The following CDON variants were observed in gnomAD, a reference collection of about 807,000 sequenced individuals.
CDON encodes cell adhesion associated, oncogene regulated, also known as cell adhesion molecule-related/down-regulated by oncogenes.
In CDON, 73 loss-of-function variants were observed where a neutral mutation model predicts 120.9. The observed-to-expected ratio is 0.60, with a 90% CI of 0.50 to 0.73. The LOEUF (loss-of-function observed/expected upper bound fraction) is 0.73. Ranked by LOEUF, CDON falls within the 30% of genes least tolerant of loss-of-function variation. CDON has a pLI of 0.00. For synonymous variants in CDON, 566 were observed against 573.5 expected, an observed-to-expected ratio of 0.99 and a Z score of 0.19; for missense variants, 1,470 against 1,587.3, an observed-to-expected ratio of 0.93 and a Z score of 1.26.
intron 8 of CDON, among the ~76,000 whole-genome samples, chr11:126,008,924 T>C (rs563775076): frequency 2.6e-5 from 4 of 152,344 alleles, no homozygotes; most frequent in African/African-American, 9.6e-5. Context: ...GTAACAATCA[T>C]AACTTTATAC....
rs1286153853 is a variant in CDON at position 125,989,767 on chromosome 11, G to A, written c.2651-8C>T. 6.2e-7 allele frequency: 1 copy of A among 1,610,904 alleles called. No individual in the cohort carries two copies. Among genetic ancestry groups the A allele is most frequent in the Non-Finnish European group, 8.5e-7 (1 of 1,178,154 alleles). On this transcript the variant is annotated splice_polypyrimidine_tract_variant and splice_region_variant and intron_variant, in intron 14 of 19. Transcript: ENST00000531738. Reference sequence around the variant, plus strand: ...TGTGCCACTGCTTTGAACCTAAAAGGAAAAATAAAAGGCTTTACACATCAT... The same window carrying A: ...TGTGCCACTGCTTTGAACCTAAAAGAAAAAATAAAAGGCTTTACACATCAT...
In CDON at chr11:125,956,839, A is replaced by G. The variant is rs978315609; in HGVS notation, c.*4103T>C. ...AAGATTCTGTGGTTCTCACAGAGTT[A>G]GACTTTATTAGATAAGGGGTTTCGG... is the stretch of plus-strand genomic sequence containing the variant. On this transcript the variant is annotated 3_prime_UTR_variant, in exon 20 of 20. Transcript: ENST00000531738. The G allele has an allele frequency of 5.1e-6, 5 of 986,926 alleles. No homozygotes were observed. The African/African-American group carries it at 8.7e-5, about 17-fold the overall frequency. 61.1% of individuals were successfully genotyped at this position (986,926 alleles called of 1,614,324 possible). A position where few individuals can be genotyped will look rare whatever the true frequency, so the allele number is the denominator to read the frequency against.
chr11:126,034,129 T>TA lies in CDON; in HGVS notation c.-61-10593dup, dbSNP rs534374033. Among the ~76,000 whole-genome samples, 90 of 144,314 alleles carry TA rather than the reference T, an allele frequency of 6.2e-4. No homozygotes were observed. Among genetic ancestry groups the TA allele is most frequent in the African/African-American group, 9.1e-4 (36 of 39,400 alleles). 94.7% of individuals were successfully genotyped at this position (144,314 alleles called of 152,430 possible). A position where few individuals can be genotyped will look rare whatever the true frequency, so the allele number is the denominator to read the frequency against. On this transcript the variant is annotated intron_variant, in intron 1 of 19. Coordinates refer to ENST00000531738, the MANE Select transcript of CDON (RefSeq NM_001378964.1). The surrounding 1 kb of genome is among the most constrained non-coding windows in gnomAD (Gnocchi z 4.5). ...GATCGTGCAATCATTCAGATCAACT[T>TA]AAAAAAAAAAAAGTTCACACCTACA... is the stretch of plus-strand genomic sequence containing the variant.
intron 1 of CDON, among the ~76,000 whole-genome samples, chr11:126,032,846 A>G (rs943595715): frequency 2.6e-5 from 4 of 152,094 alleles, no homozygotes; most frequent in African/African-American, 9.7e-5. Flanking sequence ...CATCTCTACC[A>G]AAAATACAAA....
At chr11:126,053,342 T>C (rs1214026400) in intron 1 of CDON, among the ~76,000 whole-genome samples, 1 of 152,316 alleles carries the variant, frequency 6.6e-6, no homozygotes, top group Middle Eastern at 3.4e-3. Flanking sequence ...CCAGATTTAG[T>C]AGTCCCAGGG....
At chr11:126,019,043 C>T (rs751867053) in intron 4 of CDON, among the ~76,000 whole-genome samples, 2 of 152,208 alleles carry the variant, frequency 1.3e-5, no homozygotes, top group Non-Finnish European at 2.9e-5. Flanking sequence ...AAGAAACATG[C>T]TTTGACTTTG....
At chr11:126,047,739 T>C (rs914166542) in intron 1 of CDON, among the ~76,000 whole-genome samples, 4 of 152,306 alleles carry the variant, frequency 2.6e-5, no homozygotes, top group South Asian at 4.1e-4. Context: ...TGGTGGAGCC[T>C]GGCTTTGACT....
chr11:125,978,191 C>G (rs1225620038), intron 18 of CDON, 113 bp downstream of exon 18: 1 of 735,004 alleles, frequency 1.4e-6, no homozygotes, highest in Non-Finnish European at 2.4e-6. Context: ...GATTGCAAAT[C>G]CTGAACTTTA....
intron 16 of CDON, among the ~76,000 whole-genome samples, chr11:125,982,190 G>A (rs1250108395): frequency 6.6e-6 from 1 of 151,632 alleles, no homozygotes; most frequent in African/African-American, 2.4e-5. Flanking sequence ...TAGCCAGGTT[G>A]GTTTCGATCT....
At chr11:125,971,106 T>C (rs1207185196) in intron 18 of CDON, among the ~76,000 whole-genome samples, 2 of 152,030 alleles carry the variant, frequency 1.3e-5, no homozygotes, top group Non-Finnish European at 2.9e-5. Flanking sequence ...ATAATTAACG[T>C]TCTCCGGTGG....
chr11:126,012,304 T>C (rs1352676678), intron 7 of CDON, among the ~76,000 whole-genome samples: 1 of 152,200 alleles, frequency 6.6e-6, no homozygotes, highest in Non-Finnish European at 1.5e-5. Context: ...GGAACTGATA[T>C]CTCTTCCTAT....
chr11:125,974,406 G>GAGGGAGGGAGGAAGGA (rs1412658119), intron 18 of CDON, among the ~76,000 whole-genome samples: 1 of 59,004 alleles, frequency 1.7e-5, no homozygotes, highest in Non-Finnish European at 4.0e-5. Context: ...GGGAGGGAGG[G>GAGGGAGGGAGGAAGGA]AGGGAGGGAG....
intron 1 of CDON, among the ~76,000 whole-genome samples, chr11:126,053,308 T>A (rs769950323): frequency 7.9e-5 from 12 of 152,190 alleles, no homozygotes; most frequent in Non-Finnish European, 5.9e-5. Context: ...TAGTAATCTA[T>A]TAAGAACTAT....
chr11:126,060,290 A>G (rs1232204250), intron 1 of CDON, among the ~76,000 whole-genome samples: 1 of 152,200 alleles, frequency 6.6e-6, no homozygotes, highest in African/African-American at 2.4e-5. Context: ...AGTTTGTATT[A>G]AGTTCATTTA....
intron 18 of CDON, among the ~76,000 whole-genome samples, chr11:125,969,119 C>T (rs1372487369): frequency 1.3e-5 from 2 of 152,228 alleles, no homozygotes; most frequent in African/African-American, 4.8e-5. Flanking sequence ...CTGCCTCAGC[C>T]TCCCGAGTAG....
intron 1 of CDON, among the ~76,000 whole-genome samples, chr11:126,042,447 G>C (rs1948286617): frequency 6.6e-6 from 1 of 152,058 alleles, no homozygotes; most frequent in South Asian, 2.1e-4. Flanking sequence ...ATCCACCCCA[G>C]CCTCTTTCTT....
At chr11:126,035,636 A>C (rs761743394) in intron 1 of CDON, among the ~76,000 whole-genome samples, 1 of 152,160 alleles carries the variant, frequency 6.6e-6, no homozygotes, top group Non-Finnish European at 1.5e-5. Context: ...TTAGTACATA[A>C]TTGGCACCAA....
At chr11:125,980,992 C>G (rs1027100822) in intron 17 of CDON, 57 bp downstream of exon 17, 1 of 1,561,816 alleles carries the variant, frequency 6.4e-7, no homozygotes, top group Non-Finnish European at 8.8e-7. Context: ...TGTCCCTGTT[C>G]TAGTACTTGG....
intron 16 of CDON, 93 bp from the exon 17 acceptor site, chr11:125,981,422 G>A (rs1443579599): frequency 2.3e-5 from 22 of 968,732 alleles, no homozygotes; most frequent in East Asian, 9.5e-5. Flanking sequence ...ATGCACATAC[G>A]CACACACGCA....
Sources: gnomAD v4.1 joint callset for allele counts (sites outside exome capture counted in the v4.1 genomes callset) on GRCh38, gnomAD v4.1.1 for gene constraint, Gnocchi (gnomAD v3.1) non-coding constraint, MANE v1.5 for transcripts, NCBI Gene and HGNC (gene_info 2026-07-23, HGNC 2026-07-21) for gene names.